The following ANK3 variants were observed in gnomAD, a reference collection of about 807,000 sequenced individuals.
ANK3 encodes the protein ankyrin 3.
In ANK3, 57 loss-of-function variants were observed where a neutral mutation model predicts 370.9. The observed-to-expected ratio is 0.15, with a 90% CI of 0.12 to 0.19. The LOEUF is 0.19. ANK3 is among the 10% of genes least tolerant of loss of function. The probability of loss-of-function intolerance (pLI) is 1.00; values close to 1 mark genes in which losing one functional copy is unlikely to be tolerated. For synonymous variants in ANK3, 1,929 were observed against 1,946.3 expected, an observed-to-expected ratio of 0.99 and a Z score of 0.23; for missense variants, 4,439 against 5,302.1, an observed-to-expected ratio of 0.84 and a Z score of 5.06.
chr10:60,579,979 GA>G, intron 2 of ANK3, among the ~76,000 whole-genome samples: 1 of 152,214 alleles, frequency 6.6e-6, no homozygotes, highest in African/African-American at 2.4e-5. Context: ...ATTCCTCAAT[GA>G]GGTATAAGGA....
At position 60,114,095 on chromosome 10, in the gene ANK3, T is replaced by C. The variant is rs1383015624; in HGVS notation, c.2948+130A>G. On this transcript the variant is annotated intron_variant, in intron 26 of 43. Transcript: ENST00000280772. ...ATTTACAAATACATCTCACATATACTAATGAATATACATTTCATACATGAA... is the reference window on the plus strand; with the variant it reads ...ATTTACAAATACATCTCACATATACCAATGAATATACATTTCATACATGAA... 7.1e-6 allele frequency: 3 copies of C among 422,700 alleles called. No homozygotes were observed. In the East Asian group the frequency reaches 1.1e-4, roughly 15 times the overall value. 26.2% of individuals were successfully genotyped at this position (422,700 alleles called of 1,614,324 possible). A position where few individuals can be genotyped will look rare whatever the true frequency, so the allele number is the denominator to read the frequency against.
At chr10:60,502,764 G>T (rs1490404352) in intron 2 of ANK3, among the ~76,000 whole-genome samples, 2 of 123,804 alleles carry the variant, frequency 1.6e-5, no homozygotes, top group African/African-American at 6.1e-5. Flanking sequence ...GAGAGAGAAA[G>T]AAAAAAGAAA....
chr10:60,084,873 A>G lies in ANK3; in HGVS notation c.3846-43T>C, dbSNP rs745378290. The G allele has an allele frequency of 4.3e-6, 6 of 1,400,372 alleles. No homozygotes were observed. The South Asian group carries it at 8.8e-5, about 21-fold the overall frequency. The allele number at this position is 1,400,372 out of a possible 1,614,324, so 86.7% of individuals were successfully genotyped here. ...CAGAAGTATGAAAATGTGGCTATTTAAAAGCCAAATCTTAAAAAGACTCAC... is the reference window on the plus strand; with the variant it reads ...CAGAAGTATGAAAATGTGGCTATTTGAAAGCCAAATCTTAAAAAGACTCAC... On this transcript the variant is annotated intron_variant, in intron 31 of 43. Coordinates refer to ENST00000280772, the MANE Select transcript of ANK3 (RefSeq NM_020987.5).
chr10:60,690,499 TG>T (rs2079336455), intron 1 of ANK3, among the ~76,000 whole-genome samples: 1 of 152,214 alleles, frequency 6.6e-6, no homozygotes, highest in Non-Finnish European at 1.5e-5. Context: ...TGACAGGCAA[TG>T]TTTTTTTCCC....
intron 5 of ANK3, among the ~76,000 whole-genome samples, chr10:60,266,278 A>G (rs2097877770): frequency 6.6e-6 from 1 of 152,228 alleles, no homozygotes; most frequent in Admixed American, 6.5e-5. Context: ...ATAAAGGTAC[A>G]TACATGTATC....
chr10:60,600,909 G>A (rs2078052548), intron 2 of ANK3, among the ~76,000 whole-genome samples: 1 of 151,910 alleles, frequency 6.6e-6, no homozygotes, highest in Non-Finnish European at 1.5e-5. Context: ...TGTTTATTTT[G>A]AATTCAGCTA....
In ANK3 at chr10:60,155,781, C is replaced by G. The variant is rs182841856; in HGVS notation, c.2614+10810G>C. On this transcript the variant is annotated intron_variant, in intron 23 of 43. Coordinates refer to ENST00000280772, the MANE Select transcript of ANK3 (RefSeq NM_020987.5). ...GGACTAGACTGGCTGAGTCTTCTGG[C>G]CTCCATCTTTCTCCCATGCTGGATG... is the stretch of plus-strand genomic sequence containing the variant. 1.1e-3 allele frequency among the ~76,000 whole-genome samples: 166 copies of G among 152,296 alleles called. 2 individuals are homozygous for G. Among genetic ancestry groups the G allele is most frequent in the African/African-American group, 3.6e-3 (150 of 41,580 alleles).
chr10:60,473,957 CT>C (rs2133087516), intron 2 of ANK3, among the ~76,000 whole-genome samples: 1 of 116,974 alleles, frequency 8.5e-6, no homozygotes, highest in Non-Finnish European at 1.7e-5. Context: ...AAATGAGACC[CT>C]GTTTCTACAA....
At chr10:60,331,168 T>C (rs979111300) in intron 1 of ANK3, among the ~76,000 whole-genome samples, 2 of 152,100 alleles carry the variant, frequency 1.3e-5, no homozygotes, top group Non-Finnish European at 2.9e-5. Context: ...CTAATGTAGA[T>C]GATGGGTTGA....
intron 2 of ANK3, among the ~76,000 whole-genome samples, chr10:60,426,176 C>T (rs957265282): frequency 6.6e-6 from 1 of 152,042 alleles, no homozygotes; most frequent in South Asian, 2.1e-4. Flanking sequence ...TCTAATCCCT[C>T]TTGATCTCCC....
chr10:60,580,536 T>C (rs927563936), intron 2 of ANK3, among the ~76,000 whole-genome samples: 1 of 152,198 alleles, frequency 6.6e-6, no homozygotes, highest in Non-Finnish European at 1.5e-5. Context: ...GAGACAATGA[T>C]TATATGATTC....
chr10:60,099,891 C>T (rs1358424546), intron 28 of ANK3, among the ~76,000 whole-genome samples: 6 of 151,974 alleles, frequency 3.9e-5, no homozygotes, highest in Admixed American at 3.3e-4. Context: ...GATGTCCAAC[C>T]TCGTGGACCT....
At chr10:60,721,418 C>T (rs934284002) in intron 1 of ANK3, among the ~76,000 whole-genome samples, 1 of 152,146 alleles carries the variant, frequency 6.6e-6, no homozygotes, top group Non-Finnish European at 1.5e-5. Context: ...AGATGTTTCA[C>T]AAAAATAAAG....
chr10:60,151,284 G>T (rs921316461), intron 23 of ANK3, among the ~76,000 whole-genome samples: 4 of 152,176 alleles, frequency 2.6e-5, no homozygotes, highest in Admixed American at 1.3e-4. Flanking sequence ...TGGAGGTGGG[G>T]CCTAGTGGGA....
intron 2 of ANK3, among the ~76,000 whole-genome samples, chr10:60,485,513 T>C (rs1288682302): frequency 6.6e-6 from 1 of 152,138 alleles, no homozygotes; most frequent in Non-Finnish European, 1.5e-5. Context: ...TCTAGGGACA[T>C]CAACAAGGGA....
intron 1 of ANK3, among the ~76,000 whole-genome samples, chr10:60,699,596 G>A (rs929190764): frequency 3.3e-5 from 5 of 151,684 alleles, no homozygotes; most frequent in East Asian, 3.9e-4. Flanking sequence ...ATCAATACAC[G>A]TTATTACCAA....
intron 40 of ANK3, chr10:60,060,012 G>GAAGA (rs2080041660): frequency 6.4e-7 from 1 of 1,564,430 alleles, no homozygotes; most frequent in Non-Finnish European, 8.7e-7. Context: ...ATAACCTATG[G>GAAGA]AAGACAGTAC....
intron 2 of ANK3, chr10:60,572,563 A>G (rs373486860): frequency 6.5e-7 from 1 of 1,530,322 alleles, no homozygotes; most frequent in African/African-American, 1.4e-5. Flanking sequence ...TAAAAGACAG[A>G]TCACCGCCGG....
chr10:60,573,921 A>G (rs2133270977), intron 2 of ANK3, among the ~76,000 whole-genome samples: 1 of 152,320 alleles, frequency 6.6e-6, no homozygotes, highest in African/African-American at 2.4e-5. Flanking sequence ...ACACAGTAAC[A>G]TTGTTATTCA....
Sources: gnomAD v4.1 joint callset for allele counts (sites outside exome capture counted in the v4.1 genomes callset) on GRCh38, gnomAD v4.1.1 for gene constraint, MANE v1.5 for transcripts, NCBI Gene and HGNC (gene_info 2026-07-23, HGNC 2026-07-21) for gene names.